FUS: variants seen among roughly 807,000 people sequenced by gnomAD.
FUS encodes RNA-binding protein FUS.
Under a neutral mutation model 82.7 loss-of-function variants are expected in FUS, and 5 were observed. The observed-to-expected ratio is 0.06, with a 90% confidence interval of 0.03 to 0.13. The LOEUF (loss-of-function observed/expected upper bound fraction) is 0.13. Ranked by LOEUF, FUS falls within the 10% of genes least tolerant of loss-of-function variation. The pLI, the probability that FUS is intolerant of heterozygous loss-of-function variation, is 1.00. For synonymous variants in FUS, 281 were observed against 247.4 expected, an observed-to-expected ratio of 1.14 and a Z score of -1.27; for missense variants, 512 against 707.8, an observed-to-expected ratio of 0.72 and a Z score of 3.14.
chr16:31,183,771 G>GT, intron 3 of FUS, 87 bp from the exon 4 acceptor site: 7 of 1,521,578 alleles, frequency 4.6e-6, no homozygotes, highest in Non-Finnish European at 6.4e-6. Flanking sequence ...GGCTTTATGA[G>GT]TATAGGTATT....
intron 1 of FUS, 54 bp from the exon 2 acceptor site, chr16:31,182,344 C>T: frequency 6.2e-7 from 1 of 1,603,450 alleles, no homozygotes; most frequent in South Asian, 1.1e-5. Context: ...AGCTTTAATT[C>T]AACTCTTTCA....
chr16:31,187,879 A>G, intron 7 of FUS: 1 of 250,318 alleles, frequency 4.0e-6, no homozygotes, highest in Non-Finnish European at 7.8e-6. Flanking sequence ...ATTGTTCCAC[A>G]AGGGTTAAGT....
chr16:31,185,087 C>T lies in FUS; in HGVS notation c.672C>T (p.Gly224=), dbSNP rs533399799. The T allele has an allele frequency of 1.8e-5, 29 of 1,600,200 alleles. No individual in the cohort carries two copies. The highest frequency in any genetic ancestry group is 8.9e-5 in the South Asian group (8 of 90,362). The change falls in exon 6 of 15, where the codon GGC becomes GGT. Residue 224 remains glycine, a synonymous_variant. Transcript: ENST00000254108. ...GCGGCAGGGGTGGCAGTGGTGGCGGCGGCGGCGGCGGCGGTGGTGGTTACA... is the reference window on the plus strand; with the variant it reads ...GCGGCAGGGGTGGCAGTGGTGGCGGTGGCGGCGGCGGCGGTGGTGGTTACA... The part of the protein sequence containing the change: ...GGRGRGGSGG[G]GGGGGGGYNR...
Position 31,187,054 on chromosome 16 carries a change from G to A in FUS, c.799+218G>A, listed in dbSNP as rs967817800. 11 of 610,792 alleles carry A rather than the reference G, an allele frequency of 1.8e-5. No homozygotes were observed. The African/African-American group carries it at 1.8e-4, about 10-fold the overall frequency. 37.8% of individuals were successfully genotyped at this position (610,792 alleles called of 1,614,324 possible). On this transcript the variant is annotated intron_variant, in intron 7 of 14. Transcript: ENST00000254108. ...TCAATAGTCATCTTTTACCAAATGG[G>A]TTTGCCCCAGGTTAATAAGAGGGGT... is the stretch of plus-strand genomic sequence containing the variant.
intron 1 of FUS, 185 bp from the exon 2 acceptor site, chr16:31,182,213 A>G (rs538813658): frequency 3.0e-5 from 21 of 694,112 alleles, no homozygotes; most frequent in African/African-American, 2.5e-4. Flanking sequence ...CCAGTCTCGA[A>G]TTCCTGACCT....
rs759211402 is a variant in FUS at position 31,190,255 on chromosome 16, A to T, written c.1169-20A>T. ...AAACTTGGAGAGGGAGCAGACCCAT[A>T]CTTGGTCTATCTGCATTAGGACCCA... On this transcript the variant is annotated intron_variant, in intron 11 of 14. Transcript: ENST00000254108. 3.1e-6 allele frequency: 5 copies of T among 1,614,134 alleles called. No individual in the cohort carries two copies. Among genetic ancestry groups the T allele is most frequent in the Non-Finnish European group, 4.2e-6 (5 of 1,180,036 alleles).
intron 6 of FUS, 91 bp downstream of exon 6, chr16:31,185,270 A>G (rs1320912686): frequency 1.4e-6 from 2 of 1,411,070 alleles, no homozygotes; most frequent in African/African-American, 2.9e-5. Context: ...TGCATGGTTT[A>G]GTATTCTTGT....
Position 31,189,904 on chromosome 16 carries a change from C to T in FUS, c.1066+110C>T, listed in dbSNP as rs1596909226. On this transcript the variant is annotated intron_variant, in intron 10 of 14. Transcript: ENST00000254108. ...TTGAGTCTTCCAACACTTACTTTAG[C>T]TGCGGTTTCAGGTAGTCTCATTTTT... 1.9e-6 allele frequency: 3 copies of T among 1,594,000 alleles called. No individual in the cohort carries two copies. The East Asian group carries it at 6.7e-5, about 36-fold the overall frequency.
At chr16:31,194,185 A>C, downstream of FUS, 1 of 529,686 alleles carries the variant, frequency 1.9e-6, no homozygotes, top group South Asian at 1.5e-5. Flanking sequence ...CAGTTATGTC[A>C]GTGGTGGGTA....
chr16:31,185,029 G>A lies in FUS; in HGVS notation c.614G>A (p.Ser205Asn). 1 of 1,613,478 alleles carries A rather than the reference G, an allele frequency of 6.2e-7. No homozygotes were observed. The highest frequency in any genetic ancestry group is 8.5e-7 in the Non-Finnish European group (1 of 1,179,702). Residue 205 changes from serine (S) to asparagine (N), a missense_variant, in exon 6 of 15, where the codon AGC (serine) becomes AAC (asparagine). By Grantham distance (46) the Ser-to-Asn change is conservative. Coordinates refer to ENST00000254108, the MANE Select transcript of FUS (RefSeq NM_004960.4). ...GNQDQSGGGG[S>N]GGYGQQDRGG... ...CAAGACCAGAGTGGTGGAGGTGGCA[G>A]CGGTGGCTATGGACAGCAGGACCGT...
downstream of FUS, chr16:31,192,109 T>C (rs893784649): frequency 1.9e-6 from 1 of 531,946 alleles, no homozygotes; most frequent in Non-Finnish European, 3.6e-6. Flanking sequence ...GTGACTCCCT[T>C]CCTAGCTGCC....
At chr16:31,193,390 C>G, downstream of FUS, 3 of 526,370 alleles carry the variant, frequency 5.7e-6, no homozygotes, top group South Asian at 4.6e-5. Flanking sequence ...GTCCCTGCCA[C>G]TGCTGGTTTC....
At chr16:31,184,543 G>C (rs1260604061) in intron 5 of FUS, 147 bp downstream of exon 5, 2 of 840,568 alleles carry the variant, frequency 2.4e-6, no homozygotes, top group East Asian at 5.3e-5. Flanking sequence ...TTCCGGGTTC[G>C]CGCCAGTCTC....
Position 31,190,285 on chromosome 16 carries a change from C to G in FUS, c.1179C>G (p.Gly393=), listed in dbSNP as rs755376568. 3.1e-6 allele frequency: 5 copies of G among 1,613,820 alleles called. No homozygotes were observed. In the African/African-American group the frequency reaches 6.7e-5, roughly 22 times the overall value. The change falls in exon 12 of 15, where the codon GGC becomes GGG. Residue 393 remains glycine, a synonymous_variant. Transcript: ENST00000254108. The part of the protein sequence containing the change: ...RGGRGRGGPM[G]RGGYGGGGSG... ...GTCTATCTGCATTAGGACCCATGGG[C>G]CGTGGAGGCTATGGAGGTGGTGGCA...
At chr16:31,192,094 G>C (rs1276583190), downstream of FUS, 1 of 532,304 alleles carries the variant, frequency 1.9e-6, no homozygotes. Context: ...GGATCTAGGA[G>C]GTGAGTGACT....
chr16:31,180,662 C>T (rs1183021695), intron 1 of FUS, among the ~76,000 whole-genome samples: 1 of 152,206 alleles, frequency 6.6e-6, no homozygotes, highest in Non-Finnish European at 1.5e-5. Context: ...CCCTTCCCCG[C>T]CTCGTGTTGG....
chr16:31,189,772 A>G lies in FUS; in HGVS notation c.1044A>G (p.Lys348=), dbSNP rs2079324222. 3 of 1,614,230 alleles carry G rather than the reference A, an allele frequency of 1.9e-6. No homozygotes were observed. The South Asian group carries it at 3.3e-5, about 18-fold the overall frequency. ...TVSFDDPPSA[K]AAIDWFDGKE... ...CTTTTGATGACCCACCTTCAGCTAA[A>G]GCAGCTATTGACTGGTTTGATGGTA... is the stretch of plus-strand genomic sequence containing the variant. The change falls in exon 10 of 15, where the codon AAA becomes AAG. Residue 348 remains lysine, a synonymous_variant. Transcript: ENST00000254108.
At chr16:31,182,463 A>G (rs1036326489) in intron 2 of FUS, 41 bp downstream of exon 2, 2 of 1,614,084 alleles carry the variant, frequency 1.2e-6, no homozygotes, top group Non-Finnish European at 1.7e-6. Flanking sequence ...GTAGAGGGCA[A>G]GGGTGGTCAC....
chr16:31,192,674 C>T (rs929361430), downstream of FUS: 5 of 482,144 alleles, frequency 1.0e-5, no homozygotes, highest in Middle Eastern at 6.2e-4. Context: ...GATTCTCCTG[C>T]CTCAGGAGAA....
Sources: allele counts gnomAD v4.1 joint callset (sites outside exome capture counted in the v4.1 genomes callset), GRCh38; gene constraint gnomAD v4.1.1; transcripts MANE v1.5; gene names NCBI Gene and HGNC (gene_info 2026-07-23, HGNC 2026-07-21).